The following ACOT11 variants were observed in gnomAD, a reference collection of about 807,000 sequenced individuals.
ACOT11 encodes acyl-coenzyme A thioesterase 11.
A neutral mutation model predicts 77.5 loss-of-function variants in ACOT11; 69 were observed. The ratio of observed to expected loss-of-function variants is 0.89; its 90% CI spans 0.73 to 1.09. The LOEUF (loss-of-function observed/expected upper bound fraction) is 1.09. ACOT11 is among the 50% of genes least tolerant of loss of function. The pLI, the probability that ACOT11 is intolerant of heterozygous loss-of-function variation, is 0.00. For missense variants in ACOT11, 766 were observed against 813.7 expected, an observed-to-expected ratio of 0.94 and a Z score of 0.71; for synonymous variants, 279 against 313.0, an observed-to-expected ratio of 0.89 and a Z score of 1.15.
downstream of ACOT11, chr1:54,611,654 A>C: frequency 6.2e-7 from 1 of 1,614,032 alleles, no homozygotes; most frequent in Non-Finnish European, 8.5e-7. Flanking sequence ...ATGTCATAGT[A>C]GACTTGGTGG....
intron 1 of ACOT11, among the ~76,000 whole-genome samples, chr1:54,556,246 G>A (rs1339539436): frequency 1.3e-5 from 2 of 152,136 alleles, no homozygotes; most frequent in African/African-American, 4.8e-5. Context: ...CTATATGTCT[G>A]TCTGTTTTTA....
intron 1 of ACOT11, among the ~76,000 whole-genome samples, chr1:54,555,399 A>G (rs1343497344): frequency 1.3e-5 from 2 of 152,190 alleles, no homozygotes; most frequent in East Asian, 3.8e-4. Context: ...CCTTTGAGAA[A>G]TGCCTATTCA....
At chr1:54,622,747 A>G (rs1644242175) in intron 15 of ACOT11, among the ~76,000 whole-genome samples, 1 of 151,476 alleles carries the variant, frequency 6.6e-6, no homozygotes, top group South Asian at 2.1e-4. Context: ...TCTCAAAAAA[A>G]ATAGTTAACG....
At chr1:54,603,769 C>A in intron 10 of ACOT11, 102 bp from the exon 11 acceptor site, 1 of 1,116,346 alleles carries the variant, frequency 9.0e-7, no homozygotes, top group Admixed American at 1.7e-5. Flanking sequence ...CCCATTCTGC[C>A]GGGCTCAGCA....
intron 1 of ACOT11, among the ~76,000 whole-genome samples, chr1:54,572,168 G>T (rs986795096): frequency 6.7e-6 from 1 of 150,072 alleles, no homozygotes; most frequent in Non-Finnish European, 1.5e-5. Context: ...CCTCTGCATT[G>T]TTCCTTCCCT....
chr1:54,599,329 C>A lies in ACOT11; in HGVS notation c.798C>A (p.Ala266=). The part of the protein sequence containing the change: ...RLCRAHPTLK[A]IEMFHFRGPS... Reference sequence around the variant, plus strand: ...GCCGTGCCCACCCTACGCTGAAGGCCATTGAAATGTTCCACTTCCGAGGCC... The same window carrying A: ...GCCGTGCCCACCCTACGCTGAAGGCAATTGAAATGTTCCACTTCCGAGGCC... The change falls in exon 8 of 16, where the codon GCC becomes GCA. Residue 266 remains alanine, a synonymous_variant. Coordinates refer to ENST00000343744, the MANE Select transcript of ACOT11 (RefSeq NM_147161.4). The A allele has an allele frequency of 6.2e-7, 1 of 1,608,020 alleles. No individual in the cohort carries two copies. Among genetic ancestry groups the A allele is most frequent in the East Asian group, 2.2e-5 (1 of 44,718 alleles).
intron 15 of ACOT11, among the ~76,000 whole-genome samples, chr1:54,628,961 A>AG (rs1054519017): frequency 3.2e-5 from 4 of 124,672 alleles, no homozygotes; most frequent in African/African-American, 1.1e-4. Flanking sequence ...TGGGAGGCTG[A>AG]GGGAGGAGAA....
At chr1:54,587,654 T>C (rs111369630) in intron 3 of ACOT11, among the ~76,000 whole-genome samples, 29,498 of 134,972 alleles carry the variant, frequency 0.22, 5,413 homozygotes, top group African/African-American at 0.49. Flanking sequence ...CTCCACCTCC[T>C]GGGTTCAAGT....
intron 9 of ACOT11, among the ~76,000 whole-genome samples, chr1:54,601,821 G>A (rs1049175973): frequency 7.2e-5 from 11 of 152,250 alleles, no homozygotes; most frequent in African/African-American, 2.7e-4. Context: ...ACTGTGGGGC[G>A]ATAGATGCAG....
At chr1:54,624,881 G>A (rs568387159) in intron 15 of ACOT11, among the ~76,000 whole-genome samples, 3 of 152,124 alleles carry the variant, frequency 2.0e-5, no homozygotes, top group Admixed American at 6.5e-5. Context: ...GGTGCTCAGG[G>A]GGTGCTATTC....
chr1:54,572,073 A>T (rs560485192), intron 1 of ACOT11, among the ~76,000 whole-genome samples: 1 of 151,624 alleles, frequency 6.6e-6, no homozygotes, highest in South Asian at 2.1e-4. Flanking sequence ...ACAGTGGGGG[A>T]GGTCTGGAGC....
intron 15 of ACOT11, chr1:54,628,090 A>G (rs1569814201): frequency 7.5e-6 from 1 of 133,532 alleles, no homozygotes. Flanking sequence ...TGGAGGCTGG[A>G]GTTGAGAAAT....
At chr1:54,612,713 G>A (rs1408258410), downstream of ACOT11, 1 of 1,611,006 alleles carries the variant, frequency 6.2e-7, no homozygotes, top group East Asian at 2.2e-5. Flanking sequence ...CCAGGAACCT[G>A]CAAAAAAATC....
At chr1:54,622,461 C>T (rs748337234) in intron 15 of ACOT11, among the ~76,000 whole-genome samples, 2 of 152,012 alleles carry the variant, frequency 1.3e-5, no homozygotes, top group Non-Finnish European at 2.9e-5. Flanking sequence ...GCCTGTAGTC[C>T]CAGCTACTCC....
downstream of ACOT11, chr1:54,612,706 G>A: frequency 6.2e-7 from 1 of 1,612,782 alleles, no homozygotes; most frequent in Non-Finnish European, 8.5e-7. Flanking sequence ...ACCAGGGCCA[G>A]GAACCTGCAA....
chr1:54,580,463 G>A (rs1654266412), intron 1 of ACOT11, among the ~76,000 whole-genome samples: 1 of 152,194 alleles, frequency 6.6e-6, no homozygotes, highest in Non-Finnish European at 1.5e-5. Flanking sequence ...GGTATGTAGA[G>A]CATTTTCCCA....
chr1:54,600,473 C>T (rs528158391), intron 8 of ACOT11, among the ~76,000 whole-genome samples: 191 of 152,178 alleles, frequency 1.3e-3, no homozygotes, highest in African/African-American at 4.4e-3. Flanking sequence ...ACTTACGGCT[C>T]GGAGTTCAAG....
At chr1:54,610,569 A>G (rs756047378), downstream of ACOT11, 3 of 1,607,298 alleles carry the variant, frequency 1.9e-6, no homozygotes, top group Admixed American at 1.7e-5. Flanking sequence ...TGGGGCCCCA[A>G]ATCGCCAAGG....
chr1:54,562,383 A>T (rs1449632000), intron 1 of ACOT11, among the ~76,000 whole-genome samples: 3 of 61,606 alleles, frequency 4.9e-5, no homozygotes, highest in South Asian at 6.7e-4. Context: ...ACTTCCCAGT[A>T]GGGGCAGCCG....
Sources: allele counts gnomAD v4.1 joint callset (sites outside exome capture counted in the v4.1 genomes callset), GRCh38; gene constraint gnomAD v4.1.1; transcripts MANE v1.5; gene names NCBI Gene and HGNC (gene_info 2026-07-23, HGNC 2026-07-21).